MRPL13: variants seen among roughly 807,000 people sequenced by gnomAD.
The protein encoded by MRPL13 is large ribosomal subunit protein uL13m.
A neutral mutation model predicts 29.0 loss-of-function variants in MRPL13; 33 were observed. The ratio of observed to expected loss-of-function variants is 1.14; its 90% confidence interval spans 0.86 to 1.52. The LOEUF (loss-of-function observed/expected upper bound fraction) is 1.52. Ranked by LOEUF, MRPL13 falls within the 40% of genes most tolerant of loss-of-function variation. The probability of loss-of-function intolerance (pLI) is 0.00; values close to 1 mark genes in which losing one functional copy is unlikely to be tolerated. For missense variants in MRPL13, 227 were observed against 216.7 expected (o/e 1.05, Z -0.30); for synonymous variants, 77 against 68.4 (o/e 1.13, Z -0.62).
intron 1 of MRPL13, among the ~76,000 whole-genome samples, chr8:120,443,905 T>TA (rs1813164144): frequency 6.6e-6 from 1 of 152,164 alleles, no homozygotes; most frequent in South Asian, 2.1e-4. Context: ...GCCTCAGGAA[T>TA]AGAGCATTGT....
intron 6 of MRPL13, among the ~76,000 whole-genome samples, chr8:120,403,369 C>G (rs916935779): frequency 2.0e-5 from 3 of 152,140 alleles, no homozygotes; most frequent in South Asian, 4.1e-4. Context: ...AGCCATTATC[C>G]TCAGCAAACT....
In MRPL13 at chr8:120,414,265, T is replaced by C. The variant is rs925984258; in HGVS notation, c.394-153A>G. ...TTTAAAATAAAAACCTTATAAAAAT[T>C]CCCCAAAAGTACATTAGGTTAATAA... On this transcript the variant is annotated intron_variant, in intron 5 of 6. Coordinates refer to ENST00000306185, the MANE Select transcript of MRPL13 (RefSeq NM_014078.6). 1.9e-5 allele frequency: 11 copies of C among 572,308 alleles called. No individual in the cohort carries two copies. In the Middle Eastern group the frequency reaches 1.7e-3, roughly 87 times the overall value. 35.5% of individuals were successfully genotyped at this position (572,308 alleles called of 1,614,324 possible). A position where few individuals can be genotyped will look rare whatever the true frequency, so the allele number is the denominator to read the frequency against.
At chr8:120,396,890 C>T (rs1269534620) in intron 6 of MRPL13, among the ~76,000 whole-genome samples, 1 of 152,176 alleles carries the variant, frequency 6.6e-6, no homozygotes. Flanking sequence ...TGATTAGAAG[C>T]AGCTGTGGTC....
chr8:120,444,909 T>C (rs1813185179), intron 1 of MRPL13, 159 bp downstream of exon 1: 5 of 729,604 alleles, frequency 6.9e-6, no homozygotes, highest in South Asian at 6.0e-5. Context: ...CATTAAGTGC[T>C]TGCCAGACTG....
chr8:120,413,533 G>A (rs1812765804), intron 6 of MRPL13, among the ~76,000 whole-genome samples: 1 of 152,156 alleles, frequency 6.6e-6, no homozygotes, highest in South Asian at 2.1e-4. Flanking sequence ...CAGCTTTACG[G>A]CCTTAGGTAG....
intron 2 of MRPL13, among the ~76,000 whole-genome samples, chr8:120,441,064 A>G (rs1313806002): frequency 6.6e-6 from 1 of 152,020 alleles, no homozygotes; most frequent in African/African-American, 2.4e-5. Context: ...TTGGTTGAAC[A>G]AAGAGGAGTC....
chr8:120,421,053 TTAAGTA>T (rs1308266269), intron 4 of MRPL13, among the ~76,000 whole-genome samples: 6 of 151,754 alleles, frequency 4.0e-5, no homozygotes, highest in East Asian at 3.9e-4. Context: ...TGTACAGACA[TTAAGTA>T]TAAGTTTTAA....
intron 6 of MRPL13, among the ~76,000 whole-genome samples, chr8:120,397,137 T>G (rs1812534006): frequency 6.6e-6 from 1 of 152,170 alleles, no homozygotes; most frequent in African/African-American, 2.4e-5. Context: ...ACCACGTTTC[T>G]CTCACGGATC....
At chr8:120,439,062 C>T (rs976267146) in intron 2 of MRPL13, among the ~76,000 whole-genome samples, 1 of 152,076 alleles carries the variant, frequency 6.6e-6, no homozygotes, top group African/African-American at 2.4e-5. Flanking sequence ...TATTTGTTAC[C>T]CCAAAATCAA....
At chr8:120,404,062 C>A (rs930876583) in intron 6 of MRPL13, among the ~76,000 whole-genome samples, 2 of 152,184 alleles carry the variant, frequency 1.3e-5, no homozygotes, top group Non-Finnish European at 2.9e-5. Flanking sequence ...GACAGCTACA[C>A]GCGGCTCCAG....
chr8:120,439,021 A>T (rs1033426239), intron 2 of MRPL13, among the ~76,000 whole-genome samples: 7 of 152,228 alleles, frequency 4.6e-5, no homozygotes, highest in African/African-American at 1.7e-4. Context: ...CATAGATTCC[A>T]TATTTACAAA....
rs202202802 is a variant in MRPL13, at chr8:120,443,260, G to A, written c.76C>T (p.Gln26Ter). The A allele has an allele frequency of 5.0e-6, 8 of 1,608,206 alleles. No individual in the cohort carries two copies. In the Admixed American group the frequency reaches 5.0e-5, roughly 10 times the overall value. ...RIWYLLDGKMQPPGKLAAMAS... is the reference protein window; with the variant it reads ...RIWYLLDGKM ...ATAGCAGCAAGTTTGCCAGGTGGCT[G>A]CATTTTCCCATCTAAGAGATACCAT... is the stretch of plus-strand genomic sequence containing the variant. The change falls in exon 2 of 7, where the codon CAG becomes TAG. Residue 26 changes from glutamine to a stop codon, truncating the protein, a stop_gained. Transcript: ENST00000306185. LOFTEE classifies it high-confidence loss of function.
intron 3 of MRPL13, among the ~76,000 whole-genome samples, chr8:120,428,457 C>T (rs913514337): frequency 7.2e-5 from 11 of 152,104 alleles, no homozygotes; most frequent in African/African-American, 2.7e-4. Flanking sequence ...GACAAAGATG[C>T]AAACTGCAAT....
At chr8:120,401,167 C>T (rs747447249) in intron 6 of MRPL13, among the ~76,000 whole-genome samples, 18 of 152,146 alleles carry the variant, frequency 1.2e-4, no homozygotes, top group Non-Finnish European at 2.2e-4. Context: ...CAGCATAATC[C>T]TAATACCAAA....
At chr8:120,397,178 G>A (rs1812534411) in intron 6 of MRPL13, among the ~76,000 whole-genome samples, 2 of 152,062 alleles carry the variant, frequency 1.3e-5, no homozygotes, top group Middle Eastern at 3.4e-3. Context: ...AGATACCCTC[G>A]TGAGCCCACA....
intron 2 of MRPL13, among the ~76,000 whole-genome samples, chr8:120,435,568 T>C (rs56074613): frequency 0.011 from 1,626 of 152,306 alleles, 26 homozygotes; most frequent in African/African-American, 0.036. Flanking sequence ...CAGTATTCTA[T>C]GGTGTATATG....
chr8:120,444,742 T>C (rs1813181061), intron 1 of MRPL13, among the ~76,000 whole-genome samples: 1 of 152,072 alleles, frequency 6.6e-6, no homozygotes, highest in Non-Finnish European at 1.5e-5. Flanking sequence ...CCCATTTTAC[T>C]CAGTCAAAAA....
intron 6 of MRPL13, among the ~76,000 whole-genome samples, chr8:120,399,975 A>C (rs1812572699): frequency 6.6e-6 from 1 of 152,218 alleles, no homozygotes. Context: ...GAGTACGCAG[A>C]TTCATAAAGC....
At chr8:120,429,228 T>G (rs1371726200) in intron 3 of MRPL13, among the ~76,000 whole-genome samples, 1 of 152,174 alleles carries the variant, frequency 6.6e-6, no homozygotes, top group Non-Finnish European at 1.5e-5. Context: ...GCTATTATTC[T>G]AAGCAAACTA....
Sources: gnomAD v4.1 joint callset for allele counts (sites outside exome capture counted in the v4.1 genomes callset) on GRCh38, gnomAD v4.1.1 for gene constraint, MANE v1.5 for transcripts, NCBI Gene and HGNC (gene_info 2026-07-23, HGNC 2026-07-21) for gene names.